The following CRMP1 variants were observed in gnomAD, a reference collection of about 807,000 sequenced individuals.
CRMP1 encodes the protein collapsin response mediator protein 1.
CRMP1 carries 19 observed loss-of-function variants against 68.3 expected under a neutral mutation model. That is an observed-to-expected ratio of 0.28 (90% CI 0.19 to 0.41). The LOEUF (loss-of-function observed/expected upper bound fraction) is 0.41, where lower values mean the gene tolerates loss of function less well. CRMP1 is among the 10% of genes least tolerant of loss of function. The pLI is 1.00. For synonymous variants in CRMP1, 439 were observed against 399.6 expected, an observed-to-expected ratio of 1.10 and a Z score of -1.18; for missense variants, 791 against 967.4, an observed-to-expected ratio of 0.82 and a Z score of 2.42.
At chr4:5,847,159 C>T (rs189696804) in intron 6 of CRMP1, among the ~76,000 whole-genome samples, 1 of 152,224 alleles carries the variant, frequency 6.6e-6, no homozygotes, top group Non-Finnish European at 1.5e-5. Flanking sequence ...CTATTTTTCC[C>T]TTTTTGAATA....
rs914424790 is a variant in CRMP1, at chr4:5,879,387, T to C, written c.382-12631A>G. Among the ~76,000 whole-genome samples the C allele has an allele frequency of 6.6e-6, 1 of 152,260 alleles. No homozygotes were observed. The highest frequency in any genetic ancestry group is 2.4e-5 in the African/African-American group (1 of 41,464). On this transcript the variant is annotated intron_variant, in intron 1 of 13. Transcript: ENST00000324989. This position sits in a 1 kb window ranked among gnomAD's most constrained non-coding sequence, Gnocchi z 4.2. ...TCCCACAACATGAGGCTTGCATCTC[T>C]GGTCCAGCATTTGTTCATGACACTC...
At chr4:5,874,507 G>A (rs928447177) in intron 1 of CRMP1, among the ~76,000 whole-genome samples, 1 of 152,088 alleles carries the variant, frequency 6.6e-6, no homozygotes, top group African/African-American at 2.4e-5. Flanking sequence ...TCATTGAGCT[G>A]GATACCCCTT....
chr4:5,868,261 C>A lies in CRMP1; in HGVS notation c.382-1505G>T, dbSNP rs10937686. Reference sequence around the variant, plus strand: ...CCGCACATTCTTCATGACTATATATCTATATATATATATATATATATATAT... The same window carrying A: ...CCGCACATTCTTCATGACTATATATATATATATATATATATATATATATAT... On this transcript the variant is annotated intron_variant, in intron 1 of 13. Coordinates refer to ENST00000324989, the MANE Select transcript of CRMP1 (RefSeq NM_001014809.3). Among the ~76,000 whole-genome samples, 472 of 111,200 alleles carry A rather than the reference C, an allele frequency of 4.2e-3. 14 individuals are homozygous for A. Among genetic ancestry groups the A allele is most frequent in the Non-Finnish European group, 6.1e-3 (340 of 56,064 alleles). 73.0% of individuals were successfully genotyped at this position (111,200 alleles called of 152,430 possible).
intron 4 of CRMP1, 42 bp from the exon 5 acceptor site, chr4:5,851,511 A>G (rs765970367): frequency 3.8e-6 from 6 of 1,571,064 alleles, no homozygotes; most frequent in Non-Finnish European, 5.3e-6. Flanking sequence ...GTTTAAGAAA[A>G]AACAGAAGCA....
At chr4:5,831,878 CCCTGG>C (rs1302200980) in intron 11 of CRMP1, among the ~76,000 whole-genome samples, 1 of 152,224 alleles carries the variant, frequency 6.6e-6, no homozygotes, top group East Asian at 1.9e-4. Context: ...AGCCCCATTT[CCCTGG>C]TCCCCTCCAG....
At chr4:5,848,803 T>G (rs1712413067) in intron 6 of CRMP1, among the ~76,000 whole-genome samples, 1 of 152,174 alleles carries the variant, frequency 6.6e-6, no homozygotes, top group African/African-American at 2.4e-5. Flanking sequence ...AGACAGCAGG[T>G]GCATGCCAGC....
intron 6 of CRMP1, 72 bp downstream of exon 6, chr4:5,849,320 C>T (rs1712451526): frequency 5.6e-6 from 7 of 1,260,652 alleles, no homozygotes; most frequent in South Asian, 4.9e-5. Context: ...CTAACCAATG[C>T]TCTTTTATCA....
Position 5,842,962 on chromosome 4 carries a change from T to G in CRMP1, c.1032+131A>C. The stretch of plus-strand genomic sequence containing the variant: ...CCCAGGGTTCCCGGGGAAAACAAGA[T>G]GGTTTGGGATGGTCTGGGAGAGGAC... On this transcript the variant is annotated intron_variant, in intron 7 of 13. Coordinates refer to ENST00000324989, the MANE Select transcript of CRMP1 (RefSeq NM_001014809.3). The surrounding 1 kb of genome is among the most constrained non-coding windows in gnomAD (Gnocchi z 4.5). The G allele has an allele frequency of 1.2e-6, 1 of 800,294 alleles. No homozygotes were observed. The highest frequency in any genetic ancestry group is 2.1e-6 in the Non-Finnish European group (1 of 482,260). 49.6% of individuals were successfully genotyped at this position (800,294 alleles called of 1,614,324 possible). A position where few individuals can be genotyped will look rare whatever the true frequency, so the allele number is the denominator to read the frequency against.
At chr4:5,868,255 A>ATATATCTATATC (rs1209430394) in intron 1 of CRMP1, among the ~76,000 whole-genome samples, 3 of 80,686 alleles carry the variant, frequency 3.7e-5, no homozygotes, top group African/African-American at 1.1e-4. Flanking sequence ...CTTCATGACT[A>ATATATCTATATC]TATATCTATA....
intron 8 of CRMP1, among the ~76,000 whole-genome samples, chr4:5,840,252 G>C (rs1382199111): frequency 1.3e-5 from 2 of 152,216 alleles, no homozygotes; most frequent in Admixed American, 6.5e-5. Flanking sequence ...ATGTGTTTCT[G>C]TCAGCCCAGT....
chr4:5,867,531 C>T (rs1714084485), intron 1 of CRMP1, among the ~76,000 whole-genome samples: 1 of 152,242 alleles, frequency 6.6e-6, no homozygotes, highest in South Asian at 2.1e-4. Context: ...TGTCTCCCCA[C>T]TCTTTTTCCT....
rs771881348 is a variant in CRMP1 at position 5,839,532 on chromosome 4, G to T, written c.1300C>A (p.Leu434Ile). 1 of 1,609,186 alleles carries T rather than the reference G, an allele frequency of 6.2e-7. No homozygotes were observed. The highest frequency in any genetic ancestry group is 8.5e-7 in the Non-Finnish European group (1 of 1,177,976). ...TCTCACAGGTCTCACCAGGCCAGTA[G>T]GGAGGTCAAGTAGTCGGGCGTGGTA... ...DPTTPDYLTSLLACGDLQVTG... is the reference protein window; with the variant it reads ...DPTTPDYLTSILACGDLQVTG... The change falls in exon 9 of 14, where the codon CTA (leucine) becomes ATA (isoleucine). Residue 434 changes from leucine to isoleucine, a missense_variant. By Grantham distance (5) the Leu-to-Ile change is conservative. This residue lies in a region of CRMP1 where 594 missense variants were observed against 763.6 expected (regional missense o/e 0.78). Transcript: ENST00000324989.
At chr4:5,833,713 C>T (rs1008744869) in intron 11 of CRMP1, among the ~76,000 whole-genome samples, 1 of 152,178 alleles carries the variant, frequency 6.6e-6, no homozygotes, top group Non-Finnish European at 1.5e-5. Flanking sequence ...GTGCCCACTC[C>T]TGAGCATGGA....
chr4:5,835,495 T>C (rs1720669794), intron 11 of CRMP1, among the ~76,000 whole-genome samples: 1 of 152,214 alleles, frequency 6.6e-6, no homozygotes, highest in East Asian at 1.9e-4. Context: ...TCCTGTCTAT[T>C]AGCAGCCAGC....
At chr4:5,863,135 A>G (rs1385225480) in intron 2 of CRMP1, among the ~76,000 whole-genome samples, 1 of 125,416 alleles carries the variant, frequency 8.0e-6, no homozygotes, top group Non-Finnish European at 1.8e-5. Flanking sequence ...TTTTTTAAAG[A>G]AACAGGACAT....
At chr4:5,828,856 C>T (rs925256823) in intron 11 of CRMP1, among the ~76,000 whole-genome samples, 188 bp from the exon 12 acceptor site, 2 of 152,062 alleles carry the variant, frequency 1.3e-5, no homozygotes, top group African/African-American at 4.8e-5. Flanking sequence ...AACAACTCAC[C>T]GTTGCGCATG....
chr4:5,873,814 G>T (rs1714626762), intron 1 of CRMP1, among the ~76,000 whole-genome samples: 1 of 152,144 alleles, frequency 6.6e-6, no homozygotes, highest in African/African-American at 2.4e-5. Context: ...TTGGCTGAAG[G>T]GTGACCTCAA....
chr4:5,833,322 A>G (rs1294530524), intron 11 of CRMP1, among the ~76,000 whole-genome samples: 1 of 131,018 alleles, frequency 7.6e-6, no homozygotes, highest in Non-Finnish European at 1.6e-5. Context: ...GCCCGCCACT[A>G]CGCCCGGCTA....
rs1462408716 is a variant in CRMP1 at position 5,866,040 on chromosome 4, T to C, written c.470+628A>G. Among the ~76,000 whole-genome samples the C allele has an allele frequency of 2.0e-5, 3 of 152,170 alleles. No homozygotes were observed. Among genetic ancestry groups the C allele is most frequent in the African/African-American group, 7.2e-5 (3 of 41,438 alleles). On this transcript the variant is annotated intron_variant, in intron 2 of 13. Coordinates refer to ENST00000324989, the MANE Select transcript of CRMP1 (RefSeq NM_001014809.3). The surrounding 1 kb of genome is among the most constrained non-coding windows in gnomAD (Gnocchi z 5.9). ...AGAACTATGAGAAATAAACTTCTGC[T>C]GTTTAAGCCACCCAGCCTGTGGCAT... is the stretch of plus-strand genomic sequence containing the variant.
Sources: gnomAD v4.1 joint callset for allele counts (sites outside exome capture counted in the v4.1 genomes callset) on GRCh38, gnomAD v4.1.1 for gene constraint, gnomAD v4.1.1 regional missense constraint, Gnocchi (gnomAD v3.1) non-coding constraint, MANE v1.5 for transcripts, NCBI Gene and HGNC (gene_info 2026-07-23, HGNC 2026-07-21) for gene names.